AAK1: variants seen among roughly 807,000 people sequenced by gnomAD.
The protein encoded by AAK1 is AP2-associated protein kinase 1.
Under a neutral mutation model 116.0 loss-of-function variants are expected in AAK1, and 37 were observed. That is an observed-to-expected ratio of 0.32 (90% confidence interval 0.25 to 0.42). The LOEUF (loss-of-function observed/expected upper bound fraction) is 0.42. AAK1 is among the 10% of genes least tolerant of loss of function. The pLI, the probability that AAK1 is intolerant of heterozygous loss-of-function variation, is 1.00. For missense variants in AAK1, 919 were observed against 1,170.6 expected, an observed-to-expected ratio of 0.79 and a Z score of 3.14; for synonymous variants, 458 against 439.9, an observed-to-expected ratio of 1.04 and a Z score of -0.51.
Position 69,520,817 on chromosome 2 carries a change from C to A in AAK1, c.1210+17G>T. ...ACAAAGAGGTGTATTGAGTTTCAAACCAATCTAGATACAAACCTGCAGCCT... is the reference window on the plus strand; with the variant it reads ...ACAAAGAGGTGTATTGAGTTTCAAAACAATCTAGATACAAACCTGCAGCCT... On this transcript the variant is annotated intron_variant, in intron 11 of 21. Coordinates refer to ENST00000409085, the MANE Select transcript of AAK1 (RefSeq NM_014911.5). The A allele has an allele frequency of 3.9e-6, 6 of 1,530,212 alleles. No homozygotes were observed. Among genetic ancestry groups the A allele is most frequent in the Non-Finnish European group, 5.2e-6 (6 of 1,145,026 alleles). 94.8% of individuals were successfully genotyped at this position (1,530,212 alleles called of 1,614,324 possible).
At chr2:69,479,700 T>C (rs1054917481) in intron 19 of AAK1, among the ~76,000 whole-genome samples, 1 of 152,168 alleles carries the variant, frequency 6.6e-6, no homozygotes, top group Non-Finnish European at 1.5e-5. Flanking sequence ...ATTCTTTACA[T>C]TGAAATTGGC....
Position 69,544,479 on chromosome 2 carries a change from G to A in AAK1, c.348C>T (p.Ser116=), listed in dbSNP as rs140905995. The change falls in exon 4 of 22, where the codon AGC becomes AGT. Residue 116 remains serine (S), a synonymous_variant. Coordinates refer to ENST00000409085, the MANE Select transcript of AAK1 (RefSeq NM_014911.5). The part of the protein sequence containing the change: ...YIDSSINNVS[S]GDVWEVLILM... ...GAATGAGCACTTCCCATACATCACC[G>A]CTACTCACGTTGTTGATACTAGAAT... 1,506 of 1,613,706 alleles carry A rather than the reference G, an allele frequency of 9.3e-4. 18 individuals are homozygous for A. In the African/African-American group the frequency reaches 0.017, roughly 18 times the overall value.
intron 2 of AAK1, among the ~76,000 whole-genome samples, chr2:69,633,801 C>T (rs1189147724): frequency 1.3e-5 from 2 of 152,146 alleles, no homozygotes; most frequent in Non-Finnish European, 2.9e-5. Flanking sequence ...CCTTCAAATG[C>T]TATGGAAGCA....
At chr2:69,594,381 G>C (rs947645747) in intron 2 of AAK1, among the ~76,000 whole-genome samples, 1 of 152,110 alleles carries the variant, frequency 6.6e-6, no homozygotes, top group Non-Finnish European at 1.5e-5. Context: ...TCAAGAAAAC[G>C]TATCAAAATT....
chr2:69,507,466 T>C lies in AAK1; in HGVS notation c.2119A>G (p.Thr707Ala). Residue 707 changes from threonine (T) to alanine (A), a missense_variant, in exon 15 of 22, where the codon ACA becomes GCA. This residue lies in a region of AAK1 where 125 missense variants were observed against 184.1 expected (regional missense o/e 0.68). Transcript: ENST00000409085. The part of the protein sequence containing the change: ...PFDDDNFSKL[T>A]AEELLNKDFA... ...TCCTTGTTTAGCAGTTCTTCAGCTG[T>C]GAGTTTGGAGAAATTATCGTCATCA... 1 of 1,613,092 alleles carries C rather than the reference T, an allele frequency of 6.2e-7. No individual in the cohort carries two copies. The highest frequency in any genetic ancestry group is 8.5e-7 in the Non-Finnish European group (1 of 1,179,540).
intron 3 of AAK1, among the ~76,000 whole-genome samples, chr2:69,553,442 T>G (rs937571819): frequency 7.5e-6 from 1 of 134,012 alleles, no homozygotes; most frequent in Non-Finnish European, 1.6e-5. Context: ...AAGTTGTTTT[T>G]TTTTTTTTTT....
intron 16 of AAK1, among the ~76,000 whole-genome samples, chr2:69,497,055 C>G (rs1175730350): frequency 6.6e-6 from 1 of 152,064 alleles, no homozygotes; most frequent in Non-Finnish European, 1.5e-5. Flanking sequence ...TCTTATTTCC[C>G]CATAAAAGAA....
intron 17 of AAK1, among the ~76,000 whole-genome samples, chr2:69,492,401 AC>A (rs1675558710): frequency 6.6e-6 from 1 of 151,904 alleles, no homozygotes; most frequent in Admixed American, 6.6e-5. Context: ...TTTAGTAGAG[AC>A]AGGGTCCCAC....
At chr2:69,527,974 A>G (rs182581584) in intron 8 of AAK1, among the ~76,000 whole-genome samples, 1 of 152,360 alleles carries the variant, frequency 6.6e-6, no homozygotes, top group Non-Finnish European at 1.5e-5. Context: ...CTGCTTAAAT[A>G]ATAAAGTGAA....
At chr2:69,626,879 CT>C (rs1490327029) in intron 2 of AAK1, among the ~76,000 whole-genome samples, 6 of 152,130 alleles carry the variant, frequency 3.9e-5, no homozygotes, top group Non-Finnish European at 5.9e-5. Flanking sequence ...ATCATTCTTT[CT>C]GCCTCCTTCA....
At chr2:69,495,875 A>G in intron 17 of AAK1, 110 bp downstream of exon 17, 3 of 844,532 alleles carry the variant, frequency 3.6e-6, no homozygotes, top group Non-Finnish European at 5.4e-6. Flanking sequence ...GCCTATTATT[A>G]GGGCTTGGAA....
At chr2:69,588,463 C>T (rs1345290097) in intron 2 of AAK1, among the ~76,000 whole-genome samples, 1 of 152,182 alleles carries the variant, frequency 6.6e-6, no homozygotes, top group East Asian at 1.9e-4. Context: ...AACCCATTCC[C>T]TTAACTAAGA....
At chr2:69,630,492 C>T (rs1675128369) in intron 2 of AAK1, among the ~76,000 whole-genome samples, 1 of 152,146 alleles carries the variant, frequency 6.6e-6, no homozygotes, top group South Asian at 2.1e-4. Flanking sequence ...CTAAGAGTTA[C>T]CATTTACAAA....
intron 9 of AAK1, among the ~76,000 whole-genome samples, chr2:69,526,853 A>G (rs889147976): frequency 6.6e-6 from 1 of 152,204 alleles, no homozygotes; most frequent in Admixed American, 6.5e-5. Flanking sequence ...GGGCATGTCC[A>G]AGGCATTGCC....
At chr2:69,542,257 G>C (rs535767963) in intron 5 of AAK1, among the ~76,000 whole-genome samples, 7 of 152,284 alleles carry the variant, frequency 4.6e-5, no homozygotes, top group South Asian at 2.1e-4. Flanking sequence ...CTGAAAAAGT[G>C]GGGGGAGTAT....
At chr2:69,546,781 T>C (rs191226281) in intron 3 of AAK1, among the ~76,000 whole-genome samples, 2 of 151,854 alleles carry the variant, frequency 1.3e-5, no homozygotes, top group Non-Finnish European at 2.9e-5. Context: ...AGAGCCCTCA[T>C]CTGCTGGTTA....
At chr2:69,479,353 T>C (rs980920978) in intron 19 of AAK1, among the ~76,000 whole-genome samples, 19 of 152,204 alleles carry the variant, frequency 1.2e-4, no homozygotes, top group African/African-American at 4.3e-4. Context: ...TTTTCATCTA[T>C]AGAAACATGT....
At chr2:69,608,043 C>T (rs1274342869) in intron 2 of AAK1, among the ~76,000 whole-genome samples, 3 of 152,212 alleles carry the variant, frequency 2.0e-5, no homozygotes, top group Non-Finnish European at 4.4e-5. Flanking sequence ...CTGCCTAGAA[C>T]TTTGAGGAAT....
chr2:69,606,603 C>T (rs947824937), intron 2 of AAK1, among the ~76,000 whole-genome samples: 1 of 152,166 alleles, frequency 6.6e-6, no homozygotes, highest in African/African-American at 2.4e-5. Context: ...ACACTAGAAG[C>T]CACCAATCAT....
Sources: allele counts gnomAD v4.1 joint callset (sites outside exome capture counted in the v4.1 genomes callset), GRCh38; gene constraint gnomAD v4.1.1; regional missense constraint gnomAD v4.1.1; transcripts MANE v1.5; gene names NCBI Gene and HGNC (gene_info 2026-07-23, HGNC 2026-07-21).